The following SV2B variants were observed in gnomAD, a reference collection of about 807,000 sequenced individuals.
SV2B encodes the protein synaptic vesicle glycoprotein 2B, also known as solute carrier family 22 member B2.
A neutral mutation model predicts 73.9 loss-of-function variants in SV2B; 41 were observed. The ratio of observed to expected loss-of-function variants is 0.56; its 90% CI spans 0.43 to 0.72. The LOEUF (loss-of-function observed/expected upper bound fraction) is 0.72, where lower values mean the gene tolerates loss of function less well. Ranked by LOEUF, SV2B falls within the 30% of genes least tolerant of loss-of-function variation. The pLI is 0.00. For missense variants in SV2B, 764 were observed against 857.8 expected, an observed-to-expected ratio of 0.89 and a Z score of 1.37; for synonymous variants, 314 against 314.2, an observed-to-expected ratio of 1.00 and a Z score of 0.01.
At chr15:91,119,312 A>G (rs2042262048) in intron 1 of SV2B, among the ~76,000 whole-genome samples, 1 of 152,196 alleles carries the variant, frequency 6.6e-6, no homozygotes, top group Admixed American at 6.5e-5. Context: ...GTACTTTGTC[A>G]TTTGAGACGC....
intron 2 of SV2B, among the ~76,000 whole-genome samples, chr15:91,246,250 T>G (rs1174689918): frequency 6.6e-6 from 1 of 152,180 alleles, no homozygotes; most frequent in Non-Finnish European, 1.5e-5. Flanking sequence ...TTTCCTCATA[T>G]TCCTTTAGTA....
At chr15:91,154,523 G>A (rs893669299) in intron 1 of SV2B, among the ~76,000 whole-genome samples, 6 of 152,210 alleles carry the variant, frequency 3.9e-5, no homozygotes, top group Non-Finnish European at 5.9e-5. Context: ...TGATCTCAGC[G>A]TCTGTCCATG....
chr15:91,103,580 T>C (rs2041798314), intron 1 of SV2B, among the ~76,000 whole-genome samples: 1 of 152,252 alleles, frequency 6.6e-6, no homozygotes, highest in Admixed American at 6.5e-5. Flanking sequence ...TTTGCTGCTC[T>C]GCCCTTTGGA....
intron 2 of SV2B, among the ~76,000 whole-genome samples, chr15:91,251,406 G>A: frequency 6.6e-6 from 1 of 152,222 alleles, no homozygotes; most frequent in East Asian, 1.9e-4. Context: ...CTTCTACCGT[G>A]TTCTTCCTTC....
In SV2B at chr15:91,137,660, T is replaced by C. The variant is rs368270150; in HGVS notation, c.-392+37297T>C. ...TTCATATATACATATATATTTCATA[T>C]ATACATATATTTCATATATATATAC... On this transcript the variant is annotated intron_variant, in intron 1 of 12. Coordinates refer to ENST00000394232, the MANE Select transcript of SV2B (RefSeq NM_001323032.3). The surrounding 1 kb of genome is among the most constrained non-coding windows in gnomAD (Gnocchi z 4.9). 6.7e-6 allele frequency among the ~76,000 whole-genome samples: 1 copy of C among 148,254 alleles called. No homozygotes were observed. Among genetic ancestry groups the C allele is most frequent in the African/African-American group, 2.5e-5 (1 of 40,758 alleles).
At chr15:91,238,747 G>A (rs1025526938) in intron 2 of SV2B, among the ~76,000 whole-genome samples, 2 of 152,156 alleles carry the variant, frequency 1.3e-5, no homozygotes, top group Non-Finnish European at 2.9e-5. Flanking sequence ...TGTCAGCCTA[G>A]AATAGGCTGC....
Position 91,258,583 on chromosome 15 carries a change from G to T in SV2B, c.918+29G>T. 1 of 1,611,970 alleles carries T rather than the reference G, an allele frequency of 6.2e-7. No individual in the cohort carries two copies. Among genetic ancestry groups the T allele is most frequent in the Non-Finnish European group, 8.5e-7 (1 of 1,179,064 alleles). ...AGTCAGTGCTTTTCCACCAGGGGGA[G>T]AGTGACAAAACAGCCACAGGAACCC... On this transcript the variant is annotated intron_variant, in intron 5 of 12. Transcript: ENST00000394232. This position sits in a 1 kb window ranked among gnomAD's most constrained non-coding sequence, Gnocchi z 4.7.
intron 1 of SV2B, among the ~76,000 whole-genome samples, chr15:91,192,849 A>T (rs949008884): frequency 4.6e-5 from 7 of 152,172 alleles, no homozygotes; most frequent in Non-Finnish European, 1.0e-4. Flanking sequence ...CTTGAAACCA[A>T]GCTGTGCTAT....
At chr15:91,221,553 C>T (rs1490960325) in intron 1 of SV2B, among the ~76,000 whole-genome samples, 1 of 152,122 alleles carries the variant, frequency 6.6e-6, no homozygotes, top group Non-Finnish European at 1.5e-5. Context: ...TCTAGTCACT[C>T]TCGGCCTTTC....
chr15:91,131,651 GA>G (rs111276085), intron 1 of SV2B, among the ~76,000 whole-genome samples: 41,611 of 142,840 alleles, frequency 0.29, 6,748 homozygotes, highest in African/African-American at 0.46. Context: ...CAAAAAATTT[GA>G]AAAAAAAAAA....
chr15:91,238,594 G>T (rs572573378), intron 2 of SV2B, among the ~76,000 whole-genome samples: 9 of 152,358 alleles, frequency 5.9e-5, no homozygotes, highest in Non-Finnish European at 1.3e-4. Context: ...GCCTCTCAGG[G>T]TGCTGGAGTC....
chr15:91,231,166 A>G lies in SV2B; in HGVS notation c.451+4452A>G, dbSNP rs1392085275. The stretch of plus-strand genomic sequence containing the variant: ...GATTAAACTTAGGAAGCTCAGGGCT[A>G]TGTGGCAAGGTAAGCCCTTTGGTTC... On this transcript the variant is annotated intron_variant, in intron 2 of 12. Transcript: ENST00000394232. The surrounding 1 kb of genome is among the most constrained non-coding windows in gnomAD (Gnocchi z 4.5). 6.6e-6 allele frequency among the ~76,000 whole-genome samples: 1 copy of G among 152,208 alleles called. No individual in the cohort carries two copies. Among genetic ancestry groups the G allele is most frequent in the African/African-American group, 2.4e-5 (1 of 41,442 alleles).
rs370235214 is a variant in SV2B, at chr15:91,260,052, G to C, written c.919-268G>C. On this transcript the variant is annotated intron_variant, in intron 5 of 12. Coordinates refer to ENST00000394232, the MANE Select transcript of SV2B (RefSeq NM_001323032.3). ...CCATTCAACCTTATAACTGTGATTAGTTACTCAGAGTGTATAATGATGATA... is the reference window on the plus strand; with the variant it reads ...CCATTCAACCTTATAACTGTGATTACTTACTCAGAGTGTATAATGATGATA... Among the ~76,000 whole-genome samples, 13 of 152,194 alleles carry C rather than the reference G, an allele frequency of 8.5e-5. No individual in the cohort carries two copies. The South Asian group carries it at 2.7e-3, about 32-fold the overall frequency.
In SV2B at chr15:91,122,081, GTT is replaced by G. The variant is rs1401032542; in HGVS notation, c.-392+21721_-392+21722del. Among the ~76,000 whole-genome samples the G allele has an allele frequency of 6.6e-6, 1 of 152,114 alleles. No homozygotes were observed. The highest frequency in any genetic ancestry group is 1.5e-5 in the Non-Finnish European group (1 of 68,002). Reference sequence around the variant, plus strand: ...GAGCCACTGCGCCCGGCCCAATGGTGTTTTAAAAGTAATGCTTGCCTGTTGAC... The same window carrying G: ...GAGCCACTGCGCCCGGCCCAATGGTGTTAAAAGTAATGCTTGCCTGTTGAC... On this transcript the variant is annotated intron_variant, in intron 1 of 12. Coordinates refer to ENST00000394232, the MANE Select transcript of SV2B (RefSeq NM_001323032.3). The surrounding 1 kb of genome is among the most constrained non-coding windows in gnomAD (Gnocchi z 4.3).
intron 1 of SV2B, among the ~76,000 whole-genome samples, chr15:91,179,808 C>T (rs1180812490): frequency 2.6e-5 from 4 of 152,236 alleles, no homozygotes; most frequent in Admixed American, 1.3e-4. Flanking sequence ...GCTGGGTTTC[C>T]TGAATACAGC....
chr15:91,222,770 T>C lies in SV2B; in HGVS notation c.-391-3103T>C, dbSNP rs1194908252. ...TTTTCAATCTTCTTAGTCCTCAGTT[T>C]CTTAATCTGTGTAACGGAGAGAACA... On this transcript the variant is annotated intron_variant, in intron 1 of 12. Transcript: ENST00000394232. 2.0e-5 allele frequency among the ~76,000 whole-genome samples: 3 copies of C among 152,358 alleles called. No individual in the cohort carries two copies. In the East Asian group the frequency reaches 5.8e-4, roughly 29 times the overall value.
At position 91,261,889 on chromosome 15, in the gene SV2B, G is replaced by T. The variant is rs1373650358; in HGVS notation, c.1008+1480G>T. 6.6e-6 allele frequency among the ~76,000 whole-genome samples: 1 copy of T among 152,178 alleles called. No individual in the cohort carries two copies. The highest frequency in any genetic ancestry group is 1.5e-5 in the Non-Finnish European group (1 of 68,038). ...CTGCCATGCTCTGACAAACCAGGAG[G>T]CTATAGGCATCTTTGTGCACCCGTT... On this transcript the variant is annotated intron_variant, in intron 6 of 12. Coordinates refer to ENST00000394232, the MANE Select transcript of SV2B (RefSeq NM_001323032.3). This position sits in a 1 kb window ranked among gnomAD's most constrained non-coding sequence, Gnocchi z 4.7.
At chr15:91,260,705 C>G (rs184400855) in intron 6 of SV2B, among the ~76,000 whole-genome samples, 1 of 152,024 alleles carries the variant, frequency 6.6e-6, no homozygotes, top group African/African-American at 2.4e-5. Flanking sequence ...AAGACATACC[C>G]GAGACTGGGA....
rs1423617871 is a variant in SV2B at position 91,242,855 on chromosome 15, T to C, written c.452-8964T>C. 6.6e-6 allele frequency among the ~76,000 whole-genome samples: 1 copy of C among 152,238 alleles called. No homozygotes were observed. The highest frequency in any genetic ancestry group is 1.5e-5 in the Non-Finnish European group (1 of 68,048). Reference sequence around the variant, plus strand: ...GTAGGTGAAACTACTGTTTGGCTAGTAGTGTTTTAAAACTCAGAGATTTTA... The same window carrying C: ...GTAGGTGAAACTACTGTTTGGCTAGCAGTGTTTTAAAACTCAGAGATTTTA... On this transcript the variant is annotated intron_variant, in intron 2 of 12. Coordinates refer to ENST00000394232, the MANE Select transcript of SV2B (RefSeq NM_001323032.3). This position sits in a 1 kb window ranked among gnomAD's most constrained non-coding sequence, Gnocchi z 4.9.
Sources: gnomAD v4.1 joint callset for allele counts (sites outside exome capture counted in the v4.1 genomes callset) on GRCh38, gnomAD v4.1.1 for gene constraint, Gnocchi (gnomAD v3.1) non-coding constraint, MANE v1.5 for transcripts, NCBI Gene and HGNC (gene_info 2026-07-23, HGNC 2026-07-21) for gene names.